MYO16: variants seen among roughly 807,000 people sequenced by gnomAD.
MYO16 encodes myosin XVI.
In MYO16, 94 loss-of-function variants were observed where a neutral mutation model predicts 205.3. The ratio of observed to expected loss-of-function variants is 0.46; its 90% CI spans 0.39 to 0.54. The LOEUF is 0.54. Ranked by LOEUF, MYO16 falls within the 20% of genes least tolerant of loss-of-function variation. MYO16 has a pLI of 0.00. For synonymous variants in MYO16, 988 were observed against 954.0 expected, an observed-to-expected ratio of 1.04 and a Z score of -0.66; for missense variants, 2,315 against 2,387.5, an observed-to-expected ratio of 0.97 and a Z score of 0.63.
intron 4 of MYO16, among the ~76,000 whole-genome samples, chr13:108,759,122 A>T (rs765402798): frequency 1.3e-5 from 2 of 152,190 alleles, no homozygotes; most frequent in Non-Finnish European, 2.9e-5. Flanking sequence ...ACTCTTTGAC[A>T]AAGATTTTGT....
intron 23 of MYO16, among the ~76,000 whole-genome samples, chr13:109,038,874 G>C (rs772583043): frequency 1.3e-5 from 2 of 152,070 alleles, no homozygotes; most frequent in South Asian, 4.1e-4. Flanking sequence ...ACTGTGCTAA[G>C]ATTCTAAATG....
chr13:108,745,631 C>A (rs893507586), intron 4 of MYO16, among the ~76,000 whole-genome samples: 1 of 151,902 alleles, frequency 6.6e-6, no homozygotes, highest in African/African-American at 2.4e-5. Flanking sequence ...TAATATCTGG[C>A]TTTCAATGAA....
In MYO16 at chr13:109,090,458, G is replaced by A. The variant is rs143750334; in HGVS notation, c.3336-10327G>A. 7.8e-3 allele frequency among the ~76,000 whole-genome samples: 1,184 copies of A among 152,308 alleles called. 17 individuals are homozygous for A. The highest frequency in any genetic ancestry group is 0.027 in the African/African-American group (1,109 of 41,568). On this transcript the variant is annotated intron_variant, in intron 27 of 34. Transcript: ENST00000457511. ...CTGACAGGCTCCAGTTCAAGGGCAC[G>A]GCAAGTGCCAGGGATTGTGGGGAGA...
chr13:108,841,960 A>G (rs1877263518), intron 9 of MYO16, among the ~76,000 whole-genome samples: 1 of 152,194 alleles, frequency 6.6e-6, no homozygotes, highest in African/African-American at 2.4e-5. Context: ...AGGACTGCCA[A>G]GACCCAATAG....
chr13:109,201,729 G>T (rs1880403546), intron 34 of MYO16, among the ~76,000 whole-genome samples: 1 of 151,976 alleles, frequency 6.6e-6, no homozygotes, highest in East Asian at 1.9e-4. Context: ...AACCCAATTT[G>T]TAGTCTTTTA....
At chr13:108,701,121 A>T (rs1883291324) in intron 2 of MYO16, among the ~76,000 whole-genome samples, 1 of 152,192 alleles carries the variant, frequency 6.6e-6, no homozygotes, top group South Asian at 2.1e-4. Flanking sequence ...TACGTAATAT[A>T]GACATTGCAG....
At chr13:108,965,845 G>A (rs12431125) in intron 20 of MYO16, among the ~76,000 whole-genome samples, 33,492 of 152,122 alleles carry the variant, frequency 0.22, 4,135 homozygotes, top group African/African-American at 0.32. Flanking sequence ...TGAGAGCACA[G>A]TCATATTCAC....
chr13:109,016,210 T>C (rs1885811071), intron 22 of MYO16, among the ~76,000 whole-genome samples: 1 of 152,258 alleles, frequency 6.6e-6, no homozygotes, highest in East Asian at 1.9e-4. Context: ...CTCCCTTCAT[T>C]TCGTGATTTA....
In MYO16 at chr13:109,022,444, TTA is replaced by T. The variant is rs1454299917; in HGVS notation, c.2796+2535_2796+2536del. On this transcript the variant is annotated intron_variant, in intron 23 of 34. Coordinates refer to ENST00000457511, the MANE Select transcript of MYO16 (RefSeq NM_001198950.3). The stretch of plus-strand genomic sequence containing the variant: ...TACAAATATAAACATATGTATATAT[TTA>T]TGTTATATATACAATATAAACATAT... Among the ~76,000 whole-genome samples, 51 of 130,066 alleles carry T rather than the reference TTA, an allele frequency of 3.9e-4. 1 individual carries two copies. Among genetic ancestry groups the T allele is most frequent in the Non-Finnish European group, 6.7e-4 (43 of 64,020 alleles). The allele number at this position is 130,066 out of a possible 152,430, so 85.3% of individuals were successfully genotyped here.
At chr13:108,745,566 C>T (rs1885034005) in intron 4 of MYO16, among the ~76,000 whole-genome samples, 2 of 152,078 alleles carry the variant, frequency 1.3e-5, no homozygotes, top group Non-Finnish European at 2.9e-5. Context: ...CAGCTACTAG[C>T]CAGATCAAAA....
At chr13:109,059,085 C>T (rs1422389866) in intron 27 of MYO16, among the ~76,000 whole-genome samples, 1 of 152,202 alleles carries the variant, frequency 6.6e-6, no homozygotes, top group African/African-American at 2.4e-5. Flanking sequence ...GTTTCCACCA[C>T]ATCTGCAGTT....
At chr13:108,938,538 C>T (rs1045561044) in intron 16 of MYO16, among the ~76,000 whole-genome samples, 2 of 152,220 alleles carry the variant, frequency 1.3e-5, no homozygotes, top group African/African-American at 2.4e-5. Flanking sequence ...AACCACCTAG[C>T]CCCCAAGTTC....
Position 109,055,617 on chromosome 13 carries a change from ATCG to A in MYO16, c.3335+27_3335+29del. On this transcript the variant is annotated intron_variant, in intron 27 of 34. Coordinates refer to ENST00000457511, the MANE Select transcript of MYO16 (RefSeq NM_001198950.3). The surrounding 1 kb of genome is among the most constrained non-coding windows in gnomAD (Gnocchi z 5.0). Reference sequence around the variant, plus strand: ...CAAGGTAAATTCTTCTGCTCTTAAAATCGTCGTTCTCGCTGCTGTTCAGTGCAG... The same window carrying A: ...CAAGGTAAATTCTTCTGCTCTTAAAATCGTTCTCGCTGCTGTTCAGTGCAG... The A allele has an allele frequency of 4.4e-6, 7 of 1,593,260 alleles. No homozygotes were observed. Among genetic ancestry groups the A allele is most frequent in the Non-Finnish European group, 5.1e-6 (6 of 1,169,704 alleles).
At chr13:109,159,949 C>A (rs965801872) in intron 32 of MYO16, among the ~76,000 whole-genome samples, 1 of 152,206 alleles carries the variant, frequency 6.6e-6, no homozygotes, top group Admixed American at 6.5e-5. Flanking sequence ...CAGAAAGCAG[C>A]AGAGAGGCTG....
rs141769851 is a variant in MYO16 at position 108,771,825 on chromosome 13, A to G, written c.508-13810A>G. Among the ~76,000 whole-genome samples, 74 of 152,146 alleles carry G rather than the reference A, an allele frequency of 4.9e-4. 1 individual carries two copies. In the South Asian group the frequency reaches 9.1e-3, roughly 19 times the overall value. ...TTTCTCCATGTCTTTTCATGGCTTCATAGCTCATTTTTGTATAACTGTGAC... is the reference window on the plus strand; with the variant it reads ...TTTCTCCATGTCTTTTCATGGCTTCGTAGCTCATTTTTGTATAACTGTGAC... On this transcript the variant is annotated intron_variant, in intron 4 of 34. Transcript: ENST00000457511.
In MYO16 at chr13:108,718,353, C is replaced by G. The variant is rs562174629; in HGVS notation, c.363+5622C>G. The stretch of plus-strand genomic sequence containing the variant: ...TTTTGCTTTCCTAGAAGAAAAAGAG[C>G]AAGAGCTACAAGGGCAGACTCTAGC... On this transcript the variant is annotated intron_variant, in intron 3 of 34. Coordinates refer to ENST00000457511, the MANE Select transcript of MYO16 (RefSeq NM_001198950.3). 1.1e-4 allele frequency among the ~76,000 whole-genome samples: 17 copies of G among 152,160 alleles called. 1 individual carries two copies. The South Asian group carries it at 3.5e-3, about 32-fold the overall frequency.
chr13:108,775,486 C>T (rs138780954), intron 4 of MYO16, among the ~76,000 whole-genome samples: 1 of 151,338 alleles, frequency 6.6e-6, no homozygotes, highest in Non-Finnish European at 1.5e-5. Context: ...GATAGATTTG[C>T]TATGCCTGAG....
intron 2 of MYO16, among the ~76,000 whole-genome samples, chr13:108,684,881 G>A (rs1882611261): frequency 6.6e-6 from 1 of 152,162 alleles, no homozygotes; most frequent in Admixed American, 6.5e-5. Context: ...CCCGCCTTAT[G>A]TGCCTCTTTG....
chr13:108,593,768 G>A (rs558901106), upstream of MYO16, among the ~76,000 whole-genome samples: 7 of 152,196 alleles, frequency 4.6e-5, no homozygotes, highest in East Asian at 1.4e-3. Context: ...TCAGATACCC[G>A]TGATGAAGTC....
Sources: allele counts gnomAD v4.1 joint callset (sites outside exome capture counted in the v4.1 genomes callset), GRCh38; gene constraint gnomAD v4.1.1; non-coding constraint Gnocchi (gnomAD v3.1); transcripts MANE v1.5; gene names NCBI Gene and HGNC (gene_info 2026-07-23, HGNC 2026-07-21).